LARP1: variants seen among roughly 807,000 people sequenced by gnomAD.
LARP1 encodes the protein La ribonucleoprotein 1, translational regulator.
A neutral mutation model predicts 122.7 loss-of-function variants in LARP1; 36 were observed. The observed-to-expected ratio is 0.29, with a 90% confidence interval of 0.22 to 0.39. The LOEUF (loss-of-function observed/expected upper bound fraction) is 0.39, where lower values mean the gene tolerates loss of function less well. LARP1 is among the 10% of genes least tolerant of loss of function. The pLI is 1.00. For synonymous variants in LARP1, 539 were observed against 528.7 expected (o/e 1.02, Z -0.27); for missense variants, 1,040 against 1,403.6 (o/e 0.74, Z 4.14).
At chr5:154,795,998 A>G (rs1245940826) in intron 8 of LARP1, among the ~76,000 whole-genome samples, 1 of 97,202 alleles carries the variant, frequency 1.0e-5, no homozygotes, top group African/African-American at 4.1e-5. Context: ...ATATATTTTT[A>G]TATATATTAT....
chr5:154,769,288 T>G (rs1755208495), intron 1 of LARP1, among the ~76,000 whole-genome samples: 1 of 152,164 alleles, frequency 6.6e-6, no homozygotes, highest in Non-Finnish European at 1.5e-5. Flanking sequence ...AGGTGAAGAG[T>G]GCCACAGCTT....
chr5:154,744,076 G>A (rs1197535898), intron 1 of LARP1, among the ~76,000 whole-genome samples: 1 of 152,102 alleles, frequency 6.6e-6, no homozygotes, highest in African/African-American at 2.4e-5. Flanking sequence ...GACCGCAACC[G>A]AGATAAAGGG....
upstream of LARP1, among the ~76,000 whole-genome samples, chr5:154,709,724 A>G (rs758137151): frequency 4.0e-5 from 6 of 151,794 alleles, no homozygotes; most frequent in Non-Finnish European, 8.8e-5. Context: ...AGTAAATAAA[A>G]TAATGAGCGG....
At chr5:154,808,435 CT>C in intron 15 of LARP1, 23 bp from the exon 16 acceptor site, 1 of 1,607,458 alleles carries the variant, frequency 6.2e-7, no homozygotes, top group Non-Finnish European at 8.5e-7. Context: ...TGAGACATGC[CT>C]TTCCTCCTTT....
intron 8 of LARP1, among the ~76,000 whole-genome samples, chr5:154,795,835 T>A (rs1023284829): frequency 7.4e-6 from 1 of 135,586 alleles, no homozygotes; most frequent in Admixed American, 8.7e-5. Context: ...ATATATATAT[T>A]TTATATATAT....
At chr5:154,692,456 A>G (rs552428825) in intron 1 of LARP1, among the ~76,000 whole-genome samples, 19 of 152,068 alleles carry the variant, frequency 1.2e-4, no homozygotes, top group African/African-American at 4.3e-4. Flanking sequence ...TATAATTCTC[A>G]GCCCACATTT....
At chr5:154,744,237 C>A (rs2113475005) in intron 1 of LARP1, among the ~76,000 whole-genome samples, 1 of 152,254 alleles carries the variant, frequency 6.6e-6, no homozygotes, top group South Asian at 2.1e-4. Context: ...ATCCTACTTC[C>A]CAGTTTTAAG....
At chr5:154,794,296 A>G (rs781300261) in intron 7 of LARP1, 34 bp downstream of exon 7, 2 of 1,605,830 alleles carry the variant, frequency 1.2e-6, no homozygotes, top group Non-Finnish European at 8.5e-7. Flanking sequence ...CCCTGGAGAA[A>G]TGAGTGAGAG....
chr5:154,742,616 G>A (rs560853122), intron 1 of LARP1, among the ~76,000 whole-genome samples: 24 of 151,584 alleles, frequency 1.6e-4, no homozygotes, highest in Non-Finnish European at 3.4e-4. Context: ...TGTAGTTCCA[G>A]CTATTCGGGA....
chr5:154,696,201 T>TA (rs1754464603), intron 1 of LARP1, among the ~76,000 whole-genome samples: 1 of 151,022 alleles, frequency 6.6e-6, no homozygotes, highest in Admixed American at 6.6e-5. Context: ...TACAAAAAAT[T>TA]AAAAAATTAG....
At position 154,683,348 on chromosome 5, in the gene LARP1, GT is replaced by G. The variant is rs370517876; in HGVS notation, c.-180+314del. On this transcript the variant is annotated intron_variant, in intron 1 of 18. Coordinates refer to the LARP1 transcript ENST00000687700. ...ATTTATTTGGCTCACACAGTGTTGT[GT>G]TTGTTTGTTCTGAAGTTTTAACTAT... Among the ~76,000 whole-genome samples the G allele has an allele frequency of 2.7e-3, 405 of 152,368 alleles. 3 individuals carry two copies. The highest frequency in any genetic ancestry group is 9.2e-3 in the African/African-American group (381 of 41,592).
At chr5:154,813,637 C>T (rs1759460346) in intron 18 of LARP1, among the ~76,000 whole-genome samples, 1 of 152,186 alleles carries the variant, frequency 6.6e-6, no homozygotes. Context: ...GCTTCAGTTT[C>T]CTCATCTATA....
At chr5:154,795,361 G>C in intron 8 of LARP1, 42 bp downstream of exon 8, 1 of 1,598,566 alleles carries the variant, frequency 6.3e-7, no homozygotes, top group Non-Finnish European at 8.5e-7. Context: ...GGGAAAGAAA[G>C]GTCCTTAGGG....
At chr5:154,691,754 G>A (rs1173512394) in intron 1 of LARP1, among the ~76,000 whole-genome samples, 1 of 151,782 alleles carries the variant, frequency 6.6e-6, no homozygotes, top group East Asian at 1.9e-4. Context: ...CCCCCATAGG[G>A]CCGCGGGTGA....
chr5:154,774,314 C>T (rs1314521187), intron 1 of LARP1, among the ~76,000 whole-genome samples: 1 of 152,154 alleles, frequency 6.6e-6, no homozygotes, highest in Admixed American at 6.5e-5. Flanking sequence ...CACTGCATCC[C>T]TGCCCCATGC....
At chr5:154,693,113 C>T (rs1226739973) in intron 1 of LARP1, among the ~76,000 whole-genome samples, 2 of 151,736 alleles carry the variant, frequency 1.3e-5, no homozygotes, top group African/African-American at 4.8e-5. Flanking sequence ...GTGTGAGCCA[C>T]TGTGACTGGT....
intron 1 of LARP1, among the ~76,000 whole-genome samples, chr5:154,749,668 A>G (rs1433399266): frequency 6.6e-6 from 1 of 152,102 alleles, no homozygotes; most frequent in African/African-American, 2.4e-5. Flanking sequence ...CTCAGCTGGC[A>G]CTGTTTTTTT....
intron 1 of LARP1, among the ~76,000 whole-genome samples, chr5:154,761,693 C>A (rs184893791): frequency 3.3e-5 from 5 of 152,192 alleles, no homozygotes; most frequent in Admixed American, 3.3e-4. Context: ...CCTTACCTTG[C>A]CTGGGATTCA....
intron 4 of LARP1, 131 bp from the exon 5 acceptor site, chr5:154,793,464 A>G: frequency 8.9e-7 from 1 of 1,126,336 alleles, no homozygotes; most frequent in Non-Finnish European, 1.3e-6. Context: ...ATGTGTGGGA[A>G]AGGGATCTGC....
Sources: gnomAD v4.1 joint callset for allele counts (sites outside exome capture counted in the v4.1 genomes callset) on GRCh38, gnomAD v4.1.1 for gene constraint, MANE v1.5 for transcripts, NCBI Gene and HGNC (gene_info 2026-07-23, HGNC 2026-07-21) for gene names.